GLIS3: variants seen among roughly 807,000 people sequenced by gnomAD.
GLIS3 encodes zinc finger protein GLIS3.
GLIS3 carries 53 observed loss-of-function variants against 78.6 expected under a neutral mutation model. The ratio of observed to expected loss-of-function variants is 0.67; its 90% CI spans 0.54 to 0.85. The LOEUF (loss-of-function observed/expected upper bound fraction) is 0.85. GLIS3 is among the 40% of genes least tolerant of loss of function. The pLI, the probability that GLIS3 is intolerant of heterozygous loss-of-function variation, is 0.00. For missense variants in GLIS3, 1,703 were observed against 1,231.1 expected, an observed-to-expected ratio of 1.38 and a Z score of -5.74; for synonymous variants, 684 against 509.9, an observed-to-expected ratio of 1.34 and a Z score of -4.60.
At chr9:4,060,908 T>C (rs1826590030) in intron 4 of GLIS3, among the ~76,000 whole-genome samples, 1 of 152,210 alleles carries the variant, frequency 6.6e-6, no homozygotes, top group Non-Finnish European at 1.5e-5. Flanking sequence ...ACCATTTGAA[T>C]GTGCCACCAC....
At chr9:4,417,360 GTC>G in the GLIS3 span, among the ~76,000 whole-genome samples, 1 of 152,140 alleles carries the variant, frequency 6.6e-6, no homozygotes, top group Admixed American at 6.5e-5. Flanking sequence ...AGCAAGGACT[GTC>G]TCTGTTTGTA....
chr9:4,163,644 T>C (rs1835673937), intron 2 of GLIS3, among the ~76,000 whole-genome samples: 2 of 152,218 alleles, frequency 1.3e-5, no homozygotes, highest in South Asian at 4.1e-4. Context: ...CCATTGCTTA[T>C]ATATGCGGGC....
chr9:4,155,367 G>A (rs191024230), intron 2 of GLIS3, among the ~76,000 whole-genome samples: 28 of 152,164 alleles, frequency 1.8e-4, no homozygotes, highest in South Asian at 4.1e-4. Flanking sequence ...ATTACATGGC[G>A]CATTTTGTCC....
the GLIS3 span, among the ~76,000 whole-genome samples, chr9:4,408,910 T>G: frequency 2.6e-5 from 4 of 151,888 alleles, no homozygotes; most frequent in Admixed American, 2.6e-4. Context: ...CATGATGGGA[T>G]TACTACACAC....
intron 4 of GLIS3, among the ~76,000 whole-genome samples, chr9:4,019,069 C>G (rs1326471932): frequency 6.6e-6 from 1 of 152,150 alleles, no homozygotes; most frequent in East Asian, 1.9e-4. Flanking sequence ...TGTCATTAAG[C>G]AGGAAGTTGA....
intron 4 of GLIS3, among the ~76,000 whole-genome samples, chr9:4,013,118 G>A (rs1342158096): frequency 1.3e-5 from 2 of 152,086 alleles, no homozygotes; most frequent in African/African-American, 4.8e-5. Context: ...TCAGCTCTCT[G>A]TGACAGTGTA....
intron 4 of GLIS3, among the ~76,000 whole-genome samples, chr9:3,959,594 T>G (rs1817400445): frequency 2.0e-5 from 3 of 152,156 alleles, no homozygotes; most frequent in Non-Finnish European, 4.4e-5. Flanking sequence ...TCCCTCATCC[T>G]CACAAGCCCT....
At chr9:4,345,594 G>A (rs1458758259) in intron 2 of GLIS3, among the ~76,000 whole-genome samples, 2 of 152,156 alleles carry the variant, frequency 1.3e-5, no homozygotes, top group Non-Finnish European at 2.9e-5. Context: ...TATCTTACCA[G>A]TTGCTCTTGT....
chr9:4,157,198 C>T lies in GLIS3; in HGVS notation c.389-31257G>A, dbSNP rs114990483. Among the ~76,000 whole-genome samples, 1,056 of 152,190 alleles carry T rather than the reference C, an allele frequency of 6.9e-3. 11 individuals are homozygous for T. The highest frequency in any genetic ancestry group is 0.024 in the African/African-American group (1,001 of 41,520). On this transcript the variant is annotated intron_variant, in intron 2 of 10. Coordinates refer to ENST00000381971, the MANE Select transcript of GLIS3 (RefSeq NM_001042413.2). ...TGCAGCAATGGGGTAGAGGTAGGTG[C>T]CTGTGGCTAAGAATAAGGAGACACC...
chr9:3,888,819 A>AT (rs1169752810), intron 7 of GLIS3, among the ~76,000 whole-genome samples: 1 of 152,002 alleles, frequency 6.6e-6, no homozygotes, highest in African/African-American at 2.4e-5. Flanking sequence ...CATATACAAC[A>AT]TTTTTTCAAA....
At chr9:3,926,108 G>A (rs1825207437) in intron 6 of GLIS3, among the ~76,000 whole-genome samples, 1 of 152,140 alleles carries the variant, frequency 6.6e-6, no homozygotes, top group Non-Finnish European at 1.5e-5. Context: ...CTGCAGAAAG[G>A]TGCAATTAAA....
chr9:4,383,460 A>G, the GLIS3 span, among the ~76,000 whole-genome samples: 1 of 152,204 alleles, frequency 6.6e-6, no homozygotes, highest in African/African-American at 2.4e-5. Flanking sequence ...TATGTATCAA[A>G]GATAACATAG....
At chr9:3,870,599 T>A (rs1290963359) in intron 8 of GLIS3, among the ~76,000 whole-genome samples, 1 of 152,124 alleles carries the variant, frequency 6.6e-6, no homozygotes, top group Non-Finnish European at 1.5e-5. Flanking sequence ...GCAAAGAGAA[T>A]GAGGAGGACG....
At position 3,828,202 on chromosome 9, in the gene GLIS3, G is replaced by T; in HGVS notation, c.*70C>A. The T allele has an allele frequency of 6.3e-7, 1 of 1,578,952 alleles. No homozygotes were observed. Among genetic ancestry groups the T allele is most frequent in the South Asian group, 1.1e-5 (1 of 90,092 alleles). On this transcript the variant is annotated 3_prime_UTR_variant, in exon 11 of 11. Transcript: ENST00000381971. ...TGACATCCTTCCTCAAGCAGTCTGTGAGAGTACGAAAACAAAAGGTGGCAA... is the reference window on the plus strand; with the variant it reads ...TGACATCCTTCCTCAAGCAGTCTGTTAGAGTACGAAAACAAAAGGTGGCAA...
intron 6 of GLIS3, among the ~76,000 whole-genome samples, chr9:3,906,338 G>A (rs1006901618): frequency 5.3e-5 from 8 of 152,162 alleles, no homozygotes; most frequent in African/African-American, 1.9e-4. Context: ...AGATGCCAAC[G>A]GCTTGAGGGA....
intron 2 of GLIS3, among the ~76,000 whole-genome samples, chr9:4,190,436 T>C (rs535945748): frequency 0.2 from 25,605 of 126,512 alleles, 3,824 homozygotes; most frequent in South Asian, 0.4. Context: ...GTATCAGTGA[T>C]GGAAGATGAA....
At chr9:4,246,240 A>G (rs1468506159) in intron 2 of GLIS3, among the ~76,000 whole-genome samples, 1 of 152,206 alleles carries the variant, frequency 6.6e-6, no homozygotes, top group African/African-American at 2.4e-5. Context: ...GTCTCAAAAG[A>G]AACAAATTAA....
intron 9 of GLIS3, among the ~76,000 whole-genome samples, chr9:3,852,995 G>C (rs1196984476): frequency 2.6e-5 from 4 of 152,156 alleles, no homozygotes; most frequent in East Asian, 3.8e-4. Flanking sequence ...GATCACTTGA[G>C]CCCAAGAGTT....
intron 2 of GLIS3, among the ~76,000 whole-genome samples, chr9:4,230,764 T>G (rs1227225356): frequency 6.6e-6 from 1 of 152,124 alleles, no homozygotes; most frequent in Admixed American, 6.5e-5. Flanking sequence ...AAAAAGCAAA[T>G]ATCTCTCAAG....
Sources: gnomAD v4.1 joint callset for allele counts (sites outside exome capture counted in the v4.1 genomes callset) on GRCh38, gnomAD v4.1.1 for gene constraint, MANE v1.5 for transcripts, NCBI Gene and HGNC (gene_info 2026-07-23, HGNC 2026-07-21) for gene names.